Variants in PCDHGB6 observed in about 807,000 individuals in gnomAD.
PCDHGB6 encodes the protein protocadherin gamma-B6.
In PCDHGB6, 51 loss-of-function variants were observed where a neutral mutation model predicts 59.1. The observed-to-expected ratio is 0.86, with a 90% CI of 0.69 to 1.09. The LOEUF is 1.09. PCDHGB6 is among the 50% of genes least tolerant of loss of function. PCDHGB6 has a pLI of 0.00. For missense variants in PCDHGB6, 1,148 were observed against 1,205.1 expected, an observed-to-expected ratio of 0.95 and a Z score of 0.70; for synonymous variants, 466 against 495.1, an observed-to-expected ratio of 0.94 and a Z score of 0.78.
At chr5:141,423,387 G>T (rs373190092) in intron 1 of PCDHGB6, 1 of 1,614,162 alleles carries the variant, frequency 6.2e-7, no homozygotes, top group Non-Finnish European at 8.5e-7. Context: ...TGTGGCGCTG[G>T]CATAAGTCAC....
intron 1 of PCDHGB6, chr5:141,430,966 A>G: frequency 1.2e-6 from 2 of 1,612,916 alleles, no homozygotes. Context: ...TCATCCCCAG[A>G]GGTAGGACGC....
chr5:141,462,240 A>G (rs375419703), intron 1 of PCDHGB6, among the ~76,000 whole-genome samples: 2 of 152,216 alleles, frequency 1.3e-5, no homozygotes, highest in South Asian at 4.1e-4. Context: ...GATTACAGGT[A>G]TGAGCCACCA....
chr5:141,431,670 T>C lies in PCDHGB6; in HGVS notation c.2418+21050T>C, dbSNP rs767342240. 1 of 1,614,070 alleles carries C rather than the reference T, an allele frequency of 6.2e-7. No homozygotes were observed. The highest frequency in any genetic ancestry group is 8.5e-7 in the Non-Finnish European group (1 of 1,180,026). On this transcript the variant is annotated intron_variant, in intron 1 of 3. Coordinates refer to ENST00000520790, the MANE Select transcript of PCDHGB6 (RefSeq NM_018926.3). This position sits in a 1 kb window ranked among gnomAD's most constrained non-coding sequence, Gnocchi z 4.8. ...TGTAATTCAGGGACAATATCAACAATAGGGGAGTTGGACCACGAGGAGTCA... is the reference window on the plus strand; with the variant it reads ...TGTAATTCAGGGACAATATCAACAACAGGGGAGTTGGACCACGAGGAGTCA...
At position 141,432,993 on chromosome 5, in the gene PCDHGB6, G is replaced by C. The variant is rs749499789; in HGVS notation, c.2418+22373G>C. 7 of 1,614,208 alleles carry C rather than the reference G, an allele frequency of 4.3e-6. No homozygotes were observed. In the South Asian group the frequency reaches 7.7e-5, roughly 18 times the overall value. On this transcript the variant is annotated intron_variant, in intron 1 of 3. Transcript: ENST00000520790. This position sits in a 1 kb window ranked among gnomAD's most constrained non-coding sequence, Gnocchi z 6.0. ...GCGTCGCACTTTGTGGGCGTGGACG[G>C]GGTGCAGGCTTTCCTGCAGACCTAT...
At chr5:141,423,091 G>C (rs1243671863) in intron 1 of PCDHGB6, 11 of 1,613,908 alleles carry the variant, frequency 6.8e-6, no homozygotes, top group South Asian at 2.2e-5. Context: ...CGCGGTGGGG[G>C]AGCACACGGG....
At position 141,476,513 on chromosome 5, in the gene PCDHGB6, C is replaced by T; in HGVS notation, c.2419-18294C>T. 1 of 1,614,196 alleles carries T rather than the reference C, an allele frequency of 6.2e-7. No individual in the cohort carries two copies. Among genetic ancestry groups the T allele is most frequent in the Non-Finnish European group, 8.5e-7 (1 of 1,180,034 alleles). On this transcript the variant is annotated intron_variant, in intron 1 of 3. Coordinates refer to ENST00000520790, the MANE Select transcript of PCDHGB6 (RefSeq NM_018926.3). The surrounding 1 kb of genome is among the most constrained non-coding windows in gnomAD (Gnocchi z 7.6). ...GATCCAGGACATCAACGACAACAAT[C>T]CTGCTTTCCCTACCCAGGAAATGAA...
chr5:141,412,416 G>A (rs897228706), intron 1 of PCDHGB6: 1 of 152,162 alleles, frequency 6.6e-6, no homozygotes, highest in Non-Finnish European at 1.5e-5. Flanking sequence ...GATAAAGTAT[G>A]TTTTACACAA....
intron 1 of PCDHGB6, chr5:141,414,091 A>C (rs774168035): frequency 7.5e-6 from 12 of 1,594,412 alleles, no homozygotes; most frequent in African/African-American, 1.3e-5. Flanking sequence ...TGGAGAAATA[A>C]AAATATCAGA....
intron 1 of PCDHGB6, chr5:141,414,573 A>G: frequency 6.2e-7 from 1 of 1,613,920 alleles, no homozygotes; most frequent in African/African-American, 1.3e-5. Context: ...CCTATATCCC[A>G]GAGAACAACG....
intron 2 of PCDHGB6, among the ~76,000 whole-genome samples, chr5:141,502,401 G>A (rs191747075): frequency 2.0e-5 from 3 of 151,874 alleles, no homozygotes; most frequent in Admixed American, 1.3e-4. Flanking sequence ...AAATGTCCCC[G>A]AACCTGGATT....
At chr5:141,479,930 T>C (rs1355410974) in intron 1 of PCDHGB6, among the ~76,000 whole-genome samples, 15 of 152,218 alleles carry the variant, frequency 9.9e-5, no homozygotes, top group Non-Finnish European at 1.9e-4. Context: ...CAGTGCATCA[T>C]TGCTATCAAC....
At position 141,487,501 on chromosome 5, in the gene PCDHGB6, T is replaced by C. The variant is rs746285663; in HGVS notation, c.2419-7306T>C. 1.2e-6 allele frequency: 2 copies of C among 1,614,232 alleles called. No individual in the cohort carries two copies. The highest frequency in any genetic ancestry group is 3.3e-5 in the Admixed American group (2 of 60,028). ...ACTCTCATGGCTGTACACCCTTGGC[T>C]TCTGCACCCACTCGGAGTGATAGCT... On this transcript the variant is annotated intron_variant, in intron 1 of 3. Coordinates refer to ENST00000520790, the MANE Select transcript of PCDHGB6 (RefSeq NM_018926.3). The surrounding 1 kb of genome is among the most constrained non-coding windows in gnomAD (Gnocchi z 5.0).
chr5:141,450,592 T>G (rs1403924348), intron 1 of PCDHGB6, among the ~76,000 whole-genome samples: 1 of 151,838 alleles, frequency 6.6e-6, no homozygotes, highest in Non-Finnish European at 1.5e-5. Context: ...GTTCAAGCAA[T>G]TCTCCTGCCT....
At chr5:141,448,808 G>C (rs2098608218) in intron 1 of PCDHGB6, among the ~76,000 whole-genome samples, 2 of 152,080 alleles carry the variant, frequency 1.3e-5, no homozygotes, top group Admixed American at 1.3e-4. Flanking sequence ...AGCCAGGCGT[G>C]ATGGCGGGCG....
rs1227250624 is a variant in PCDHGB6, at chr5:141,409,019, G to A, written c.817G>A (p.Val273Ile). 4 of 1,613,996 alleles carry A rather than the reference G, an allele frequency of 2.5e-6. 1 individual carries two copies. Among genetic ancestry groups the A allele is most frequent in the Middle Eastern group, 3.3e-4 (2 of 6,062 alleles). The change falls in exon 1 of 4, where the codon GTC becomes ATC. Residue 273 changes from valine to isoleucine, a missense_variant. Physicochemically the swap from Val to Ile is conservative, Grantham distance 29. This residue lies in a region of PCDHGB6 where 549 missense variants were observed against 527.5 expected (regional missense o/e 1.04). Coordinates refer to ENST00000520790, the MANE Select transcript of PCDHGB6 (RefSeq NM_018926.3). ...GACAGCCACTGACCAGGATGAGGGG[G>A]TCAATGCTGAGATAAACTACTACTT... The part of the protein sequence containing the change: ...QVTATDQDEG[V>I]NAEINYYFRS...
intron 1 of PCDHGB6, among the ~76,000 whole-genome samples, chr5:141,455,177 T>C (rs2098816411): frequency 6.6e-6 from 1 of 152,040 alleles, no homozygotes; most frequent in Non-Finnish European, 1.5e-5. Context: ...TTTTAGTTTT[T>C]TTATTTCTCT....
chr5:141,438,597 T>C (rs1343540280), intron 1 of PCDHGB6, among the ~76,000 whole-genome samples: 20 of 38,918 alleles, frequency 5.1e-4, no homozygotes, highest in African/African-American at 1.6e-3. Flanking sequence ...CATACATATA[T>C]ATATATATAT....
At position 141,408,651 on chromosome 5, in the gene PCDHGB6, C is replaced by T. The variant is rs373860648; in HGVS notation, c.449C>T (p.Thr150Ile). The T allele has an allele frequency of 6.2e-7, 1 of 1,614,012 alleles. No homozygotes were observed. The highest frequency in any genetic ancestry group is 8.5e-7 in the Non-Finnish European group (1 of 1,179,904). Residue 150 changes from threonine (T) to isoleucine (I), a missense_variant, in exon 1 of 4, where the codon ACA becomes ATA. Physicochemically the swap from Thr to Ile is moderately conservative, Grantham distance 89. Around this residue, in one of 5 missense-constraint regions of PCDHGB6, gnomAD observed 307 missense variants for 323.8 expected, o/e 0.95. Transcript: ENST00000520790. Reference sequence around the variant, plus strand: ...ATTTTCGAATCTGCATCCGCTGGTACACGACTATCGCTTGACCCTGCCACG... The same window carrying T: ...ATTTTCGAATCTGCATCCGCTGGTATACGACTATCGCTTGACCCTGCCACG... ...LEIFESASAG[T>I]RLSLDPATDP...
chr5:141,503,825 CA>C (rs2154593417), intron 2 of PCDHGB6, among the ~76,000 whole-genome samples: 1 of 152,186 alleles, frequency 6.6e-6, no homozygotes, highest in Non-Finnish European at 1.5e-5. Flanking sequence ...TGGGCAAAAC[CA>C]AAAGCAGGGA....
Sources: gnomAD v4.1 joint callset for allele counts (sites outside exome capture counted in the v4.1 genomes callset) on GRCh38, gnomAD v4.1.1 for gene constraint, gnomAD v4.1.1 regional missense constraint, Gnocchi (gnomAD v3.1) non-coding constraint, MANE v1.5 for transcripts, NCBI Gene and HGNC (gene_info 2026-07-23, HGNC 2026-07-21) for gene names.